The following SOX6 variants were observed in gnomAD, a reference collection of about 807,000 sequenced individuals.
SOX6 encodes SRY-box transcription factor 6, also known as transcription factor SOX-6.
Under a neutral mutation model 97.8 loss-of-function variants are expected in SOX6, and 11 were observed. That is an observed-to-expected ratio of 0.11 (90% CI 0.07 to 0.19). The LOEUF is 0.19. SOX6 is among the 10% of genes least tolerant of loss of function. The probability of loss-of-function intolerance (pLI) is 1.00; values close to 1 mark genes in which losing one functional copy is unlikely to be tolerated. For missense variants in SOX6, 810 were observed against 1,039.5 expected, an observed-to-expected ratio of 0.78 and a Z score of 3.04; for synonymous variants, 360 against 371.4, an observed-to-expected ratio of 0.97 and a Z score of 0.35.
chr11:15,991,893 T>G (rs1027820225), intron 13 of SOX6, among the ~76,000 whole-genome samples: 2 of 152,166 alleles, frequency 1.3e-5, no homozygotes, highest in Non-Finnish European at 2.9e-5. Context: ...AGTCTTCACA[T>G]ATCCTTCCTA....
intron 3 of SOX6, among the ~76,000 whole-genome samples, chr11:16,643,681 G>C (rs1171091630): frequency 6.6e-6 from 1 of 152,218 alleles, no homozygotes; most frequent in Non-Finnish European, 1.5e-5. Context: ...CTAGCAATGA[G>C]TGAGGCTCCA....
At chr11:16,365,891 C>T (rs970258686) in intron 1 of SOX6, among the ~76,000 whole-genome samples, 8 of 152,078 alleles carry the variant, frequency 5.3e-5, no homozygotes, top group Admixed American at 1.3e-4. Context: ...GTGCTGCTTC[C>T]CTTCCATGAG....
intron 3 of SOX6, among the ~76,000 whole-genome samples, chr11:16,307,429 G>T (rs905555838): frequency 6.6e-6 from 1 of 152,138 alleles, no homozygotes; most frequent in African/African-American, 2.4e-5. Flanking sequence ...TGTACATTGG[G>T]CACATAAGAC....
chr11:16,379,206 C>T (rs1857731952), intron 1 of SOX6, among the ~76,000 whole-genome samples: 3 of 152,068 alleles, frequency 2.0e-5, no homozygotes, highest in Admixed American at 2.0e-4. Flanking sequence ...GTGGTTCATG[C>T]CTGTAATCCC....
intron 4 of SOX6, among the ~76,000 whole-genome samples, chr11:16,193,860 C>T (rs77450488): frequency 2.0e-5 from 3 of 152,234 alleles, no homozygotes; most frequent in East Asian, 3.9e-4. Context: ...TAAAAGAAAG[C>T]TGCATTGCTC....
At chr11:16,518,196 C>T (rs1861003765) in intron 4 of SOX6, among the ~76,000 whole-genome samples, 1 of 152,126 alleles carries the variant, frequency 6.6e-6, no homozygotes, top group Non-Finnish European at 1.5e-5. Context: ...TGAAGACAGA[C>T]AACAATTCTG....
chr11:16,078,607 G>A (rs1456487425), intron 9 of SOX6, among the ~76,000 whole-genome samples: 1 of 152,026 alleles, frequency 6.6e-6, no homozygotes, highest in Non-Finnish European at 1.5e-5. Flanking sequence ...AAGCAGACGT[G>A]GGCAGTGACT....
intron 4 of SOX6, among the ~76,000 whole-genome samples, chr11:16,554,420 C>A (rs1217487486): frequency 1.3e-5 from 2 of 152,042 alleles, no homozygotes; most frequent in African/African-American, 4.8e-5. Flanking sequence ...TTCCTTTATT[C>A]TTACAATAAC....
chr11:16,130,584 A>G (rs1269358476), intron 6 of SOX6, among the ~76,000 whole-genome samples: 1 of 152,022 alleles, frequency 6.6e-6, no homozygotes, highest in Admixed American at 6.6e-5. Flanking sequence ...AAACTGATTT[A>G]TAGATTCAAC....
chr11:16,469,811 TA>T (rs1860107329), intron 1 of SOX6, among the ~76,000 whole-genome samples: 4 of 152,012 alleles, frequency 2.6e-5, no homozygotes, highest in Admixed American at 1.3e-4. Flanking sequence ...AAAGCACTAT[TA>T]AAAATATTTT....
At chr11:16,277,324 T>G (rs774722521) in intron 3 of SOX6, among the ~76,000 whole-genome samples, 1 of 151,996 alleles carries the variant, frequency 6.6e-6, no homozygotes, top group African/African-American at 2.4e-5. Flanking sequence ...CACTCCACCA[T>G]GTGAGGATGC....
chr11:16,275,633 A>C (rs1854379253), intron 3 of SOX6, among the ~76,000 whole-genome samples: 1 of 152,216 alleles, frequency 6.6e-6, no homozygotes, highest in African/African-American at 2.4e-5. Flanking sequence ...CTATTTGATA[A>C]GGGAAAAGGA....
At chr11:16,560,301 TCTAAGA>T (rs1461632778) in intron 4 of SOX6, among the ~76,000 whole-genome samples, 1 of 152,156 alleles carries the variant, frequency 6.6e-6, no homozygotes, top group African/African-American at 2.4e-5. Flanking sequence ...TAACTCTTAC[TCTAAGA>T]CTAAAGGGCT....
At chr11:15,995,413 T>C (rs1355547896) in intron 13 of SOX6, among the ~76,000 whole-genome samples, 1 of 152,168 alleles carries the variant, frequency 6.6e-6, no homozygotes, top group Non-Finnish European at 1.5e-5. Context: ...GCAGGTAATT[T>C]AACTGCTTCC....
intron 4 of SOX6, among the ~76,000 whole-genome samples, chr11:16,604,473 T>C (rs1848309194): frequency 6.6e-6 from 1 of 152,102 alleles, no homozygotes; most frequent in South Asian, 2.1e-4. Context: ...CTCCCCCGGG[T>C]TGCTGGCTGG....
At chr11:16,595,343 A>G (rs989956631) in intron 4 of SOX6, among the ~76,000 whole-genome samples, 1 of 152,180 alleles carries the variant, frequency 6.6e-6, no homozygotes, top group African/African-American at 2.4e-5. Context: ...TCGCAGTCAT[A>G]TAAGCTGCAA....
chr11:16,599,666 T>C (rs2133976763), intron 4 of SOX6, among the ~76,000 whole-genome samples: 1 of 152,326 alleles, frequency 6.6e-6, no homozygotes, highest in South Asian at 2.1e-4. Flanking sequence ...TTTTTTCCAA[T>C]ATATGTATTG....
At chr11:16,289,737 G>A (rs1854855041) in intron 3 of SOX6, among the ~76,000 whole-genome samples, 1 of 151,918 alleles carries the variant, frequency 6.6e-6, no homozygotes, top group African/African-American at 2.4e-5. Flanking sequence ...ACCAGTCCAG[G>A]ATTTAAATCT....
intron 6 of SOX6, among the ~76,000 whole-genome samples, chr11:16,135,901 T>A (rs1849948221): frequency 6.6e-6 from 1 of 152,112 alleles, no homozygotes. Flanking sequence ...CTTTCATGGT[T>A]GTCTTATTTT....
Sources: allele counts gnomAD v4.1 joint callset (sites outside exome capture counted in the v4.1 genomes callset), GRCh38; gene constraint gnomAD v4.1.1; transcripts MANE v1.5; gene names NCBI Gene and HGNC (gene_info 2026-07-23, HGNC 2026-07-21).